Variants in MDGA2 observed in about 807,000 individuals in gnomAD.
MDGA2 encodes the protein MAM domain-containing glycosylphosphatidylinositol anchor protein 2.
MDGA2 carries 40 observed loss-of-function variants against 117.8 expected under a neutral mutation model. That is an observed-to-expected ratio of 0.34 (90% confidence interval 0.26 to 0.44). MDGA2 has a LOEUF of 0.44. Ranked by LOEUF, MDGA2 falls within the 20% of genes least tolerant of loss-of-function variation. The probability of loss-of-function intolerance (pLI) is 1.00; values close to 1 mark genes in which losing one functional copy is unlikely to be tolerated. For synonymous variants in MDGA2, 452 were observed against 439.0 expected, an observed-to-expected ratio of 1.03 and a Z score of -0.37; for missense variants, 1,123 against 1,250.6, an observed-to-expected ratio of 0.90 and a Z score of 1.54.
chr14:47,666,458 C>G (rs1185954840), intron 1 of MDGA2, among the ~76,000 whole-genome samples: 1 of 152,192 alleles, frequency 6.6e-6, no homozygotes, highest in Non-Finnish European at 1.5e-5. Flanking sequence ...CACTCTGTAT[C>G]TAGCTCAGGG....
At chr14:46,869,245 TATG>T (rs1411101275) in intron 14 of MDGA2, among the ~76,000 whole-genome samples, 1 of 152,024 alleles carries the variant, frequency 6.6e-6, no homozygotes, top group African/African-American at 2.4e-5. Flanking sequence ...AATTTCCTGA[TATG>T]ATATGACCTT....
chr14:47,177,275 A>G (rs1884502146), intron 3 of MDGA2, among the ~76,000 whole-genome samples: 1 of 151,996 alleles, frequency 6.6e-6, no homozygotes, highest in African/African-American at 2.4e-5. Context: ...TAGAAATACC[A>G]TTTGACCCAG....
chr14:47,320,028 T>G (rs928815876), intron 1 of MDGA2, among the ~76,000 whole-genome samples: 4 of 152,164 alleles, frequency 2.6e-5, no homozygotes, highest in Admixed American at 6.6e-5. Flanking sequence ...ACGGATGCGT[T>G]GCATCTCCAA....
At chr14:47,665,952 C>T (rs1897949044) in intron 1 of MDGA2, among the ~76,000 whole-genome samples, 1 of 151,742 alleles carries the variant, frequency 6.6e-6, no homozygotes, top group Admixed American at 6.6e-5. Flanking sequence ...GCGGGCGCAC[C>T]ACACAGGACT....
Position 46,931,505 on chromosome 14 carries a change from T to C in MDGA2, c.2090-11345A>G, listed in dbSNP as rs114577283. ...AGAAAAAAAATGTGTTTCATTCCAA[T>C]TGCTTTTAGTTTATTTTTGCTTTTT... On this transcript the variant is annotated intron_variant, in intron 9 of 16. Transcript: ENST00000399232. Among the ~76,000 whole-genome samples the C allele has an allele frequency of 8.0e-3, 1,201 of 149,550 alleles. 15 individuals carry two copies. The highest frequency in any genetic ancestry group is 0.028 in the African/African-American group (1,133 of 40,490).
chr14:46,942,655 A>G (rs1324771105), intron 9 of MDGA2, among the ~76,000 whole-genome samples: 1 of 152,142 alleles, frequency 6.6e-6, no homozygotes, highest in African/African-American at 2.4e-5. Flanking sequence ...ATGAAATCAT[A>G]AAATATGCAC....
chr14:47,651,615 G>A (rs991693720), intron 1 of MDGA2, among the ~76,000 whole-genome samples: 1 of 152,178 alleles, frequency 6.6e-6, no homozygotes, highest in South Asian at 2.1e-4. Context: ...ATGTATGGAT[G>A]TATGTAGGGA....
Position 46,840,349 on chromosome 14 carries a change from A to G in MDGA2, c.*1582T>C, listed in dbSNP as rs1352223946. 1 of 152,414 alleles carries G rather than the reference A, an allele frequency of 6.6e-6. No individual in the cohort carries two copies. Among genetic ancestry groups the G allele is most frequent in the Non-Finnish European group, 1.5e-5 (1 of 67,976 alleles). The allele number at this position is 152,414 out of a possible 1,614,324, so 9.4% of individuals were successfully genotyped here. ...TATAATAATAATATTCTTCTTAGAC[A>G]AAAGTCTTTTTAAATGAAGTTAAAA... On this transcript the variant is annotated 3_prime_UTR_variant, in exon 17 of 17. Transcript: ENST00000399232.
intron 14 of MDGA2, among the ~76,000 whole-genome samples, chr14:46,865,327 AC>A (rs1595004845): frequency 6.6e-6 from 1 of 152,172 alleles, no homozygotes; most frequent in Non-Finnish European, 1.5e-5. Flanking sequence ...AAGGCCTTTG[AC>A]AAAATTCAAC....
intron 6 of MDGA2, among the ~76,000 whole-genome samples, chr14:47,070,851 G>A (rs796624295): frequency 2.2e-4 from 33 of 152,254 alleles, no homozygotes; most frequent in African/African-American, 7.2e-4. Flanking sequence ...CAGGTGATCC[G>A]CCTGCCTCGG....
chr14:47,322,070 AAGAG>A (rs1338148633), intron 1 of MDGA2, among the ~76,000 whole-genome samples: 1 of 152,146 alleles, frequency 6.6e-6, no homozygotes, highest in Non-Finnish European at 1.5e-5. Flanking sequence ...AGTGGAGAGA[AAGAG>A]AGAGACAGAG....
intron 3 of MDGA2, among the ~76,000 whole-genome samples, chr14:47,216,488 T>C (rs530329033): frequency 3.9e-5 from 6 of 152,140 alleles, no homozygotes; most frequent in Non-Finnish European, 8.8e-5. Context: ...AAAGCTTTTT[T>C]CTATTTTTCT....
chr14:47,131,565 CT>C (rs1191861936), intron 5 of MDGA2, 148 bp downstream of exon 5: 4 of 513,796 alleles, frequency 7.8e-6, no homozygotes, highest in Non-Finnish European at 1.3e-5. Context: ...ATGTATGAAG[CT>C]TTTCAGATAT....
intron 9 of MDGA2, among the ~76,000 whole-genome samples, chr14:46,925,874 G>A (rs1566528280): frequency 6.6e-6 from 1 of 152,070 alleles, no homozygotes; most frequent in Non-Finnish European, 1.5e-5. Flanking sequence ...TAAAAAAAGA[G>A]AAGAAATAAA....
At chr14:47,363,422 T>C (rs1427981582) in intron 1 of MDGA2, among the ~76,000 whole-genome samples, 3 of 152,086 alleles carry the variant, frequency 2.0e-5, no homozygotes, top group Non-Finnish European at 4.4e-5. Flanking sequence ...CATACCCGGC[T>C]ACTTTTTGTA....
At chr14:47,048,949 T>C (rs1048069555) in intron 7 of MDGA2, among the ~76,000 whole-genome samples, 2 of 152,122 alleles carry the variant, frequency 1.3e-5, no homozygotes, top group Non-Finnish European at 2.9e-5. Flanking sequence ...TAAAAACTTA[T>C]ATAATGTGAT....
chr14:47,530,582 C>G (rs779378717), intron 1 of MDGA2, among the ~76,000 whole-genome samples: 1 of 152,116 alleles, frequency 6.6e-6, no homozygotes, highest in African/African-American at 2.4e-5. Flanking sequence ...TTAACTTACC[C>G]CCATCCTCAC....
rs549999375 is a variant in MDGA2 at position 47,444,339 on chromosome 14, G to T, written c.281-142789C>A. 1.3e-4 allele frequency: 21 copies of T among 161,074 alleles called. No homozygotes were observed. The East Asian group carries it at 1.7e-3, about 13-fold the overall frequency. 10.0% of individuals were successfully genotyped at this position (161,074 alleles called of 1,614,324 possible). A position where few individuals can be genotyped will look rare whatever the true frequency, so the allele number is the denominator to read the frequency against. On this transcript the variant is annotated intron_variant, in intron 1 of 16. Coordinates refer to ENST00000399232, the MANE Select transcript of MDGA2 (RefSeq NM_001113498.3). ...TTTTCCCAGCTGTGTAATCATCAAT[G>T]ATTTCAAATTTGCCAGTGTAACCAC...
At chr14:47,069,459 A>G (rs1245557929) in intron 6 of MDGA2, among the ~76,000 whole-genome samples, 1 of 152,236 alleles carries the variant, frequency 6.6e-6, no homozygotes, top group African/African-American at 2.4e-5. Flanking sequence ...TATCATTTGA[A>G]CAGTTCATTT....
Sources: gnomAD v4.1 joint callset for allele counts (sites outside exome capture counted in the v4.1 genomes callset) on GRCh38, gnomAD v4.1.1 for gene constraint, MANE v1.5 for transcripts, NCBI Gene and HGNC (gene_info 2026-07-23, HGNC 2026-07-21) for gene names.